The following KAZN variants were observed in gnomAD, a reference collection of about 807,000 sequenced individuals.
KAZN encodes the protein kazrin, periplakin interacting protein, also known as kazrin.
KAZN carries 40 observed loss-of-function variants against 87.4 expected under a neutral mutation model. The ratio of observed to expected loss-of-function variants is 0.46; its 90% confidence interval spans 0.36 to 0.60. The LOEUF (loss-of-function observed/expected upper bound fraction) is 0.60. Ranked by LOEUF, KAZN falls within the 20% of genes least tolerant of loss-of-function variation. The pLI is 0.00. For synonymous variants in KAZN, 466 were observed against 458.3 expected (o/e 1.02, Z -0.22); for missense variants, 898 against 1,073.9 (o/e 0.84, Z 2.29).
chr1:14,170,393 G>T (rs557616794), intron 1 of KAZN, among the ~76,000 whole-genome samples: 1 of 151,954 alleles, frequency 6.6e-6, no homozygotes, highest in Non-Finnish European at 1.5e-5. Flanking sequence ...AAAAAAATAG[G>T]TCTGGCTTTG....
At chr1:13,910,839 TAAAG>T (rs1639628885) in intron 1 of KAZN, among the ~76,000 whole-genome samples, 11 of 152,196 alleles carry the variant, frequency 7.2e-5, no homozygotes, top group Admixed American at 7.2e-4. Context: ...TGCACTGCTA[TAAAG>T]AAATACCTGA....
intron 2 of KAZN, among the ~76,000 whole-genome samples, chr1:14,396,832 C>A (rs1662938786): frequency 6.6e-6 from 1 of 152,140 alleles, no homozygotes; most frequent in Non-Finnish European, 1.5e-5. Flanking sequence ...AAAGTCCTGT[C>A]ACCTAAATGC....
At chr1:15,071,545 G>A (rs1037239034) in intron 8 of KAZN, among the ~76,000 whole-genome samples, 16 of 152,124 alleles carry the variant, frequency 1.1e-4, no homozygotes, top group African/African-American at 3.4e-4. Context: ...GTGAGCCACC[G>A]CACCCAGCCT....
chr1:14,025,258 A>G (rs1247292447), intron 1 of KAZN, among the ~76,000 whole-genome samples: 4 of 152,206 alleles, frequency 2.6e-5, no homozygotes, highest in African/African-American at 9.7e-5. Flanking sequence ...ATCCCTTCTC[A>G]TTGGTCAAGT....
chr1:14,907,358 C>T (rs1001209965), intron 1 of KAZN, among the ~76,000 whole-genome samples: 5 of 150,464 alleles, frequency 3.3e-5, no homozygotes, highest in African/African-American at 7.3e-5. Context: ...GCTGCGATTG[C>T]ACCACTGCAC....
At chr1:15,070,677 C>G (rs1201881205) in intron 8 of KAZN, among the ~76,000 whole-genome samples, 1 of 152,164 alleles carries the variant, frequency 6.6e-6, no homozygotes, top group African/African-American at 2.4e-5. Flanking sequence ...TTTTAAAATA[C>G]CTCTGGGCCA....
At chr1:14,244,515 C>T (rs16853843) in intron 2 of KAZN, among the ~76,000 whole-genome samples, 5,949 of 152,228 alleles carry the variant, frequency 0.039, 184 homozygotes, top group East Asian at 0.1. Context: ...GAGCAAAACC[C>T]TCTGGCCTCA....
At chr1:15,092,146 G>A (rs569229092) in intron 8 of KAZN, among the ~76,000 whole-genome samples, 33 of 139,994 alleles carry the variant, frequency 2.4e-4, no homozygotes, top group South Asian at 1.6e-3. Context: ...GCGCAATCTC[G>A]GCTCACCTCA....
chr1:14,758,668 A>G (rs1025528092), intron 1 of KAZN, among the ~76,000 whole-genome samples: 1 of 152,162 alleles, frequency 6.6e-6, no homozygotes, highest in African/African-American at 2.4e-5. Context: ...GCTGATGTGA[A>G]GCAGGCAGCA....
intron 2 of KAZN, among the ~76,000 whole-genome samples, chr1:14,968,020 T>A (rs915922006): frequency 6.6e-6 from 1 of 152,180 alleles, no homozygotes. Context: ...TTTGGGATGA[T>A]TCCAGGGCAT....
At chr1:14,502,560 C>A (rs1022576903) in intron 2 of KAZN, among the ~76,000 whole-genome samples, 1 of 152,104 alleles carries the variant, frequency 6.6e-6, no homozygotes, top group African/African-American at 2.4e-5. Context: ...CCAGTAAACC[C>A]TACTCCTGGG....
chr1:14,822,197 G>A (rs368983739), intron 1 of KAZN, among the ~76,000 whole-genome samples: 1 of 152,264 alleles, frequency 6.6e-6, no homozygotes, highest in South Asian at 2.1e-4. Context: ...GAGGGGGCAC[G>A]TCACCTGTGA....
chr1:14,740,314 C>G (rs147323279), intron 1 of KAZN, among the ~76,000 whole-genome samples: 1 of 152,162 alleles, frequency 6.6e-6, no homozygotes, highest in East Asian at 1.9e-4. Context: ...GCCTCTAAAC[C>G]GATGCAGAGA....
chr1:14,480,641 T>TTA (rs1669024069), intron 2 of KAZN, among the ~76,000 whole-genome samples: 1 of 143,448 alleles, frequency 7.0e-6, no homozygotes, highest in Non-Finnish European at 1.5e-5. Context: ...ATATTATGTA[T>TTA]TATAATATAT....
At chr1:14,802,421 A>G (rs1398847754) in intron 1 of KAZN, among the ~76,000 whole-genome samples, 1 of 141,518 alleles carries the variant, frequency 7.1e-6, no homozygotes, top group East Asian at 2.2e-4. Flanking sequence ...AAAAAAAAAA[A>G]AATTGGGACA....
chr1:14,764,519 C>T (rs1644837385), intron 1 of KAZN, among the ~76,000 whole-genome samples: 1 of 151,860 alleles, frequency 6.6e-6, no homozygotes, highest in African/African-American at 2.4e-5. Context: ...AGAACGTAAG[C>T]TTTTTAACAA....
intron 2 of KAZN, among the ~76,000 whole-genome samples, chr1:14,502,339 A>T (rs1391498934): frequency 6.6e-6 from 1 of 152,176 alleles, no homozygotes; most frequent in Non-Finnish European, 1.5e-5. Flanking sequence ...ATATCAACTG[A>T]ATTGTGCTTT....
intron 2 of KAZN, among the ~76,000 whole-genome samples, chr1:14,362,028 C>T (rs1659558486): frequency 6.6e-6 from 1 of 152,162 alleles, no homozygotes; most frequent in African/African-American, 2.4e-5. Context: ...TGGCACATTT[C>T]AGAAACTGCC....
intron 2 of KAZN, among the ~76,000 whole-genome samples, chr1:14,319,268 A>T (rs527809680): frequency 6.6e-6 from 1 of 152,078 alleles, no homozygotes; most frequent in African/African-American, 2.4e-5. Context: ...ACCCTACTAA[A>T]ATTCTGCTAG....
Sources: allele counts gnomAD v4.1 joint callset (sites outside exome capture counted in the v4.1 genomes callset), GRCh38; gene constraint gnomAD v4.1.1; transcripts MANE v1.5; gene names NCBI Gene and HGNC (gene_info 2026-07-23, HGNC 2026-07-21).